RAB31: variants seen among roughly 807,000 people sequenced by gnomAD.
RAB31 encodes the protein ras-related protein Rab-31.
A neutral mutation model predicts 25.6 loss-of-function variants in RAB31; 21 were observed. The observed-to-expected ratio is 0.82, with a 90% CI of 0.58 to 1.18. The LOEUF (loss-of-function observed/expected upper bound fraction) is 1.18. Ranked by LOEUF, RAB31 falls within the 50% of genes most tolerant of loss-of-function variation. The pLI is 0.00. For missense variants in RAB31, 196 were observed against 250.1 expected, an observed-to-expected ratio of 0.78 and a Z score of 1.46; for synonymous variants, 87 against 84.0, an observed-to-expected ratio of 1.04 and a Z score of -0.20.
intron 1 of RAB31, among the ~76,000 whole-genome samples, chr18:9,769,469 A>C (rs1429845481): frequency 6.6e-6 from 1 of 152,092 alleles, no homozygotes; most frequent in African/African-American, 2.4e-5. Context: ...TGTGAATGGG[A>C]GTTCATTCAT....
At chr18:9,856,311 T>C (rs2068815370) in intron 6 of RAB31, 1 of 152,084 alleles carries the variant, frequency 6.6e-6, no homozygotes, top group Non-Finnish European at 1.5e-5. Flanking sequence ...GGGAGAGAAA[T>C]GAGAAGCAGC....
At chr18:9,837,547 T>A (rs1373796034) in intron 5 of RAB31, among the ~76,000 whole-genome samples, 1 of 151,720 alleles carries the variant, frequency 6.6e-6, no homozygotes, top group Non-Finnish European at 1.5e-5. Flanking sequence ...TTGAAAAAAA[T>A]TCGGAAAATG....
At chr18:9,824,212 T>TTGTATGTGTGTG (rs1175629737) in intron 5 of RAB31, among the ~76,000 whole-genome samples, 4 of 149,934 alleles carry the variant, frequency 2.7e-5, no homozygotes, top group Admixed American at 1.3e-4. Flanking sequence ...GTAGATGTGT[T>TTGTATGTGTGTG]TGTATGTGTG....
At position 9,790,405 on chromosome 18, in the gene RAB31, A is replaced by AAG. The variant is rs573039349; in HGVS notation, c.120-1749_120-1748insAG. The stretch of plus-strand genomic sequence containing the variant: ...ATGCTCAGCTGATTTAAAAAAAAAA[A>AAG]TTTTTTTTTTTGTAAAGAAGGAGTC... On this transcript the variant is annotated intron_variant, in intron 2 of 6. Transcript: ENST00000578921. Among the ~76,000 whole-genome samples, 41 of 149,128 alleles carry AAG rather than the reference A, an allele frequency of 2.7e-4. 1 individual carries two copies. The highest frequency in any genetic ancestry group is 1.0e-3 in the Admixed American group (15 of 14,946).
intron 5 of RAB31, among the ~76,000 whole-genome samples, chr18:9,839,304 C>T (rs1350927133): frequency 6.6e-6 from 1 of 152,092 alleles, no homozygotes; most frequent in Non-Finnish European, 1.5e-5. Context: ...GCTGTGGCTT[C>T]GGGGGCAAAC....
intron 2 of RAB31, among the ~76,000 whole-genome samples, chr18:9,780,742 C>G (rs2068399098): frequency 6.6e-6 from 1 of 152,044 alleles, no homozygotes; most frequent in African/African-American, 2.4e-5. Context: ...ACCAGCCTGG[C>G]CAACATGGTG....
intron 3 of RAB31, among the ~76,000 whole-genome samples, chr18:9,812,104 G>A (rs1276052441): frequency 3.9e-5 from 6 of 152,154 alleles, no homozygotes; most frequent in African/African-American, 1.4e-4. Flanking sequence ...GGGAGATCTG[G>A]TCTCCTTCTC....
intron 1 of RAB31, among the ~76,000 whole-genome samples, chr18:9,713,685 A>G (rs981159574): frequency 6.6e-6 from 1 of 152,072 alleles, no homozygotes. Flanking sequence ...CCCATCCCTT[A>G]TGTCTTAATT....
chr18:9,845,532 A>G (rs1266115424), intron 5 of RAB31, 50 bp from the exon 6 acceptor site: 1 of 1,457,822 alleles, frequency 6.9e-7, no homozygotes, highest in Middle Eastern at 1.8e-4. Context: ...GGTGATTTGT[A>G]TTTTACAAAC....
chr18:9,826,452 C>G (rs1477444639), intron 5 of RAB31, among the ~76,000 whole-genome samples: 1 of 152,016 alleles, frequency 6.6e-6, no homozygotes, highest in Non-Finnish European at 1.5e-5. Flanking sequence ...AAAGTGACAC[C>G]ATTGGCCCTT....
chr18:9,740,950 T>C (rs1400857119), intron 1 of RAB31, among the ~76,000 whole-genome samples: 2 of 152,064 alleles, frequency 1.3e-5, no homozygotes, highest in Non-Finnish European at 2.9e-5. Context: ...TCCTTGCTTG[T>C]AGTAAGTGGC....
intron 3 of RAB31, among the ~76,000 whole-genome samples, chr18:9,803,168 A>T (rs1010654951): frequency 6.6e-6 from 1 of 151,940 alleles, no homozygotes; most frequent in Admixed American, 6.5e-5. Context: ...AGGATAGAGT[A>T]CATGCGAGTT....
In RAB31 at chr18:9,861,513, A is replaced by T. The variant is rs2143164682; in HGVS notation, c.*2188A>T. The T allele has an allele frequency of 6.6e-6, 1 of 152,306 alleles. No individual in the cohort carries two copies. The highest frequency in any genetic ancestry group is 1.5e-5 in the Non-Finnish European group (1 of 68,030). 9.4% of individuals were successfully genotyped at this position (152,306 alleles called of 1,614,324 possible). On this transcript the variant is annotated 3_prime_UTR_variant, in exon 7 of 7. Transcript: ENST00000578921. ...AAGAGAGTAGATCACACTTGGGCAC[A>T]CCAGGATTCACATAAACATTGTATC...
intron 1 of RAB31, among the ~76,000 whole-genome samples, chr18:9,772,194 G>A (rs988203976): frequency 1.3e-5 from 2 of 151,992 alleles, no homozygotes; most frequent in Non-Finnish European, 2.9e-5. Flanking sequence ...AGATTCCAAA[G>A]GGGTGCTTTT....
intron 2 of RAB31, among the ~76,000 whole-genome samples, chr18:9,784,423 C>G (rs566359606): frequency 2.0e-5 from 3 of 151,936 alleles, no homozygotes; most frequent in African/African-American, 7.3e-5. Context: ...GAATCATTGT[C>G]GTAATAGTGA....
intron 2 of RAB31, among the ~76,000 whole-genome samples, chr18:9,791,805 C>T (rs2068461759): frequency 6.6e-6 from 1 of 152,122 alleles, no homozygotes; most frequent in South Asian, 2.1e-4. Flanking sequence ...AGGGTTTCAC[C>T]ATATTGGCCA....
chr18:9,855,614 C>T (rs138511319), intron 6 of RAB31, among the ~76,000 whole-genome samples: 721 of 152,180 alleles, frequency 4.7e-3, no homozygotes, highest in Admixed American at 7.3e-3. Flanking sequence ...GGTTTGCGTT[C>T]GGCGTTTGCT....
chr18:9,805,294 A>AG (rs1004797674), intron 3 of RAB31, among the ~76,000 whole-genome samples: 4 of 151,538 alleles, frequency 2.6e-5, no homozygotes, highest in African/African-American at 4.8e-5. Context: ...AAAAAAAAAA[A>AG]AAGAAATAAG....
chr18:9,839,127 G>A (rs945478177), intron 5 of RAB31, among the ~76,000 whole-genome samples: 5 of 152,212 alleles, frequency 3.3e-5, no homozygotes, highest in African/African-American at 9.7e-5. Context: ...TTCACAAGGA[G>A]ATGGTATGAC....
Sources: allele counts gnomAD v4.1 joint callset (sites outside exome capture counted in the v4.1 genomes callset), GRCh38; gene constraint gnomAD v4.1.1; transcripts MANE v1.5; gene names NCBI Gene and HGNC (gene_info 2026-07-23, HGNC 2026-07-21).